The following MIB1 variants were observed in gnomAD, a reference collection of about 807,000 sequenced individuals.
The protein encoded by MIB1 is MIB E3 ubiquitin protein ligase 1.
In MIB1, 278 loss-of-function variants were observed where a neutral mutation model predicts 124.5. The observed-to-expected ratio is 2.23, with a 90% CI of 2.02 to 2.47. The LOEUF is 2.47. Among genes scored for constraint, MIB1 ranks in the 30% most tolerant of loss-of-function variants. The pLI is 0.00. For synonymous variants in MIB1, 446 were observed against 429.4 expected, an observed-to-expected ratio of 1.04 and a Z score of -0.48; for missense variants, 957 against 1,254.4, an observed-to-expected ratio of 0.76 and a Z score of 3.58.
intron 1 of MIB1, among the ~76,000 whole-genome samples, chr18:21,710,227 C>T (rs1252471659): frequency 2.0e-5 from 3 of 151,730 alleles, no homozygotes; most frequent in Non-Finnish European, 4.4e-5. Context: ...CCCGAGTTAA[C>T]TGGGATTACA....
At chr18:21,802,258 A>C (rs937434787) in intron 9 of MIB1, among the ~76,000 whole-genome samples, 5 of 152,042 alleles carry the variant, frequency 3.3e-5, no homozygotes, top group Non-Finnish European at 7.4e-5. Flanking sequence ...ATCTTTTTTC[A>C]TCTATTGCTT....
chr18:21,736,600 A>G (rs1156572914), upstream of MIB1, among the ~76,000 whole-genome samples: 1 of 152,238 alleles, frequency 6.6e-6, no homozygotes, highest in African/African-American at 2.4e-5. Flanking sequence ...ACCCAATGCA[A>G]GGAAGCTAGG....
intron 3 of MIB1, among the ~76,000 whole-genome samples, chr18:21,772,188 A>G (rs1476439770): frequency 6.6e-6 from 1 of 152,204 alleles, no homozygotes; most frequent in Non-Finnish European, 1.5e-5. Flanking sequence ...ATGAAAAAGA[A>G]TGGTCATTAT....
In MIB1 at chr18:21,857,129, G is replaced by A; in HGVS notation, c.2666-1G>A. The A allele has an allele frequency of 6.2e-7, 1 of 1,610,688 alleles. No individual in the cohort carries two copies. The highest frequency in any genetic ancestry group is 8.5e-7 in the Non-Finnish European group (1 of 1,176,956). ...GAAGTGTCTGTGTTACCGTTTTCCA[G>A]ACTGTGCTAACCTGATGAAAAAGTG... On this transcript the variant is annotated splice_acceptor_variant, in intron 18 of 20. Coordinates refer to ENST00000261537, the MANE Select transcript of MIB1 (RefSeq NM_020774.4). LOFTEE classifies it high-confidence loss of function.
chr18:21,797,955 A>G (rs902131959), intron 7 of MIB1, 129 bp from the exon 8 acceptor site: 47 of 757,840 alleles, frequency 6.2e-5, no homozygotes, highest in Non-Finnish European at 9.8e-5. Flanking sequence ...CCATTTCAGT[A>G]TGGTTATCCT....
At chr18:21,730,574 A>C (rs988764650) in intron 1 of MIB1, among the ~76,000 whole-genome samples, 1 of 151,976 alleles carries the variant, frequency 6.6e-6, no homozygotes, top group Admixed American at 6.6e-5. Flanking sequence ...TCTAAAAAAA[A>C]CCAACCATAC....
At chr18:21,757,956 C>T (rs756994343) in intron 1 of MIB1, among the ~76,000 whole-genome samples, 3 of 151,960 alleles carry the variant, frequency 2.0e-5, no homozygotes, top group East Asian at 3.9e-4. Context: ...CACAAAAAAC[C>T]GTGGTAGAGT....
chr18:21,728,601 A>G (rs1376021427), intron 1 of MIB1, among the ~76,000 whole-genome samples: 3 of 152,226 alleles, frequency 2.0e-5, no homozygotes, highest in African/African-American at 7.2e-5. Context: ...ATCAGACAGA[A>G]ATTGCATATT....
intron 1 of MIB1, among the ~76,000 whole-genome samples, chr18:21,710,340 C>T (rs1189323447): frequency 3.3e-5 from 5 of 151,974 alleles, no homozygotes; most frequent in South Asian, 2.1e-4. Flanking sequence ...GTGATCCGCC[C>T]GCCTGAGCCT....
At chr18:21,713,908 A>AT (rs1464235157) in intron 1 of MIB1, among the ~76,000 whole-genome samples, 1 of 151,936 alleles carries the variant, frequency 6.6e-6, no homozygotes, top group African/African-American at 2.4e-5. Context: ...CCCATTTTCC[A>AT]TTTTTTAAAT....
chr18:21,844,499 G>T (rs1351584206), intron 15 of MIB1, among the ~76,000 whole-genome samples: 1 of 152,148 alleles, frequency 6.6e-6, no homozygotes, highest in Non-Finnish European at 1.5e-5. Flanking sequence ...CCAGGCTGGA[G>T]TGCTTGGCTC....
chr18:21,757,829 T>G (rs988025264), intron 1 of MIB1, among the ~76,000 whole-genome samples: 7 of 152,232 alleles, frequency 4.6e-5, no homozygotes, highest in African/African-American at 1.7e-4. Context: ...TATTTGAATA[T>G]TGAAATAGGA....
At chr18:21,851,009 T>A (rs2146512944) in intron 17 of MIB1, among the ~76,000 whole-genome samples, 1 of 152,292 alleles carries the variant, frequency 6.6e-6, no homozygotes, top group East Asian at 1.9e-4. Flanking sequence ...TAAAAATGTG[T>A]AATCTATTGG....
chr18:21,809,703 C>T (rs773183245), intron 10 of MIB1, among the ~76,000 whole-genome samples: 13 of 152,030 alleles, frequency 8.6e-5, no homozygotes, highest in Non-Finnish European at 1.6e-4. Flanking sequence ...AATTTAACAC[C>T]CTTTCATGAT....
intron 12 of MIB1, among the ~76,000 whole-genome samples, chr18:21,834,496 TGAA>T (rs2042009501): frequency 6.6e-6 from 1 of 152,158 alleles, no homozygotes; most frequent in Non-Finnish European, 1.5e-5. Flanking sequence ...TGGAGAAACA[TGAA>T]GAACACTACT....
At chr18:21,802,317 A>C (rs1466816028) in intron 9 of MIB1, among the ~76,000 whole-genome samples, 1 of 151,988 alleles carries the variant, frequency 6.6e-6, no homozygotes. Context: ...CATATCTGCA[A>C]ATTTTCTTTA....
At chr18:21,761,507 G>C (rs901935944) in intron 1 of MIB1, among the ~76,000 whole-genome samples, 1 of 152,138 alleles carries the variant, frequency 6.6e-6, no homozygotes, top group Non-Finnish European at 1.5e-5. Flanking sequence ...AGGCATGCCG[G>C]ATGTTATTTT....
At chr18:21,858,503 C>T (rs1444621624) in intron 19 of MIB1, 43 bp from the exon 20 acceptor site, 1 of 854,118 alleles carries the variant, frequency 1.2e-6, no homozygotes, top group Non-Finnish European at 1.9e-6. Context: ...GTCATTCTGT[C>T]AAAGCAATAA....
chr18:21,765,849 T>C lies in MIB1; in HGVS notation c.307T>C (p.Cys103Arg). 6.2e-7 allele frequency: 1 copy of C among 1,614,096 alleles called. No homozygotes were observed. The highest frequency in any genetic ancestry group is 8.5e-7 in the Non-Finnish European group (1 of 1,179,998). ...IIGIRWKCAE[C>R]TNYDLCTVCY... ...TGGCATTCGATGGAAGTGTGCAGAG[T>C]GTACAAATTATGATTTGTGCACAGT... The change falls in exon 2 of 21, where the codon TGT (cysteine) becomes CGT (arginine). Residue 103 changes from cysteine to arginine, a missense_variant. Physicochemically the swap from Cys to Arg is radical, Grantham distance 180. Transcript: ENST00000261537.
Sources: allele counts gnomAD v4.1 joint callset (sites outside exome capture counted in the v4.1 genomes callset), GRCh38; gene constraint gnomAD v4.1.1; transcripts MANE v1.5; gene names NCBI Gene and HGNC (gene_info 2026-07-23, HGNC 2026-07-21).